Variants in FAM153A observed in about 807,000 individuals in gnomAD.
FAM153A encodes the protein family with sequence similarity 153 member A, also known as protein FAM153A.
FAM153A carries 12 observed loss-of-function variants against 48.1 expected under a neutral mutation model. The observed-to-expected ratio is 0.25, with a 90% CI of 0.16 to 0.40. The LOEUF is 0.40. FAM153A is among the 10% of genes least tolerant of loss of function. FAM153A has a pLI of 1.00. For synonymous variants in FAM153A, 36 were observed against 118.2 expected, an observed-to-expected ratio of 0.30 and a Z score of 4.51; for missense variants, 111 against 345.8, an observed-to-expected ratio of 0.32 and a Z score of 5.38.
At chr5:177,715,878 G>A (rs1376062423) in intron 25 of FAM153A, among the ~76,000 whole-genome samples, 1 of 151,338 alleles carries the variant, frequency 6.6e-6, no homozygotes, top group African/African-American at 2.4e-5. Context: ...TCTTGCTATT[G>A]TTGCCTAGGC....
At chr5:177,710,324 C>G (rs142004887), downstream of FAM153A, among the ~76,000 whole-genome samples, 2,103 of 151,602 alleles carry the variant, frequency 0.014, 101 homozygotes, top group African/African-American at 0.049. Flanking sequence ...GTTGGCCAGG[C>G]TGGTCTTGAA....
chr5:177,700,050 C>T, the FAM153A span, among the ~76,000 whole-genome samples: 1 of 151,942 alleles, frequency 6.6e-6, no homozygotes, highest in African/African-American at 2.4e-5. Flanking sequence ...GCAGTTTGTC[C>T]ATCAGATGAA....
At chr5:177,711,998 A>G (rs1164885601) in exon 27 of FAM153A, 2 of 151,924 alleles carry the variant, frequency 1.3e-5, no homozygotes, top group Non-Finnish European at 2.9e-5. Flanking sequence ...AATGACTGTT[A>G]AGAGACAGAA....
intron 1 of FAM153A, among the ~76,000 whole-genome samples, chr5:177,758,992 A>T (rs1257544898): frequency 2.6e-5 from 4 of 151,834 alleles, no homozygotes. Flanking sequence ...AATTAAACTA[A>T]AGAGCTTCTG....
chr5:177,752,927 T>C, intron 1 of FAM153A, among the ~76,000 whole-genome samples: 1 of 101,952 alleles, frequency 9.8e-6, no homozygotes, highest in Non-Finnish European at 2.2e-5. Context: ...GACTCTTCAC[T>C]CTTCCAAAAA....
chr5:177,738,947 G>C (rs1765116673), intron 10 of FAM153A, among the ~76,000 whole-genome samples, 166 bp downstream of exon 12: 1 of 149,484 alleles, frequency 6.7e-6, no homozygotes, highest in Admixed American at 6.6e-5. Flanking sequence ...GACTACGTAG[G>C]ATGGTCACCA....
chr5:177,721,943 C>T (rs1182132597), downstream of FAM153A: 3 of 150,480 alleles, frequency 2.0e-5, no homozygotes, highest in Non-Finnish European at 4.4e-5. Flanking sequence ...AGGTAAAAGT[C>T]ATTAAGAAAA....
downstream of FAM153A, among the ~76,000 whole-genome samples, chr5:177,709,714 G>C (rs1425317720): frequency 1.7e-5 from 2 of 117,532 alleles, no homozygotes; most frequent in African/African-American, 3.4e-5. Flanking sequence ...CTTGTTGCTC[G>C]GGCCAGAGTG....
chr5:177,711,702 G>A (rs533095812), exon 27 of FAM153A: 1 of 152,032 alleles, frequency 6.6e-6, no homozygotes, highest in East Asian at 1.9e-4. Context: ...AAAGTTGAAG[G>A]ATCTTTAGGA....
At chr5:177,739,269 G>A (rs911541328) in intron 9 of FAM153A, 132 bp from the exon 12 acceptor site, 1 of 825,812 alleles carries the variant, frequency 1.2e-6, no homozygotes. Context: ...CAAAAATAAA[G>A]CCTAGAGAAC....
chr5:177,754,957 C>G (rs1325707118), upstream of FAM153A, among the ~76,000 whole-genome samples: 1 of 151,902 alleles, frequency 6.6e-6, no homozygotes, highest in African/African-American at 2.4e-5. Flanking sequence ...AACGCAGCTC[C>G]TCACCAGTAA....
intron 1 of FAM153A, among the ~76,000 whole-genome samples, chr5:177,758,547 G>A (rs1464786660): frequency 7.4e-6 from 1 of 134,676 alleles, no homozygotes; most frequent in Non-Finnish European, 1.7e-5. Context: ...AACAAAGCTG[G>A]AGGCATCATG....
At chr5:177,721,953 A>C (rs1047338648), downstream of FAM153A, 2 of 151,218 alleles carry the variant, frequency 1.3e-5, no homozygotes, top group Non-Finnish European at 2.9e-5. Flanking sequence ...CATTAAGAAA[A>C]TGAAAGCACA....
At chr5:177,709,675 T>G (rs1234494164), downstream of FAM153A, among the ~76,000 whole-genome samples, 2 of 58,690 alleles carry the variant, frequency 3.4e-5, no homozygotes, top group African/African-American at 9.7e-5. Context: ...TTTTTTTTTG[T>G]TTTTTTTTTT....
intron 1 of FAM153A, among the ~76,000 whole-genome samples, chr5:177,768,935 G>A (rs1768928545): frequency 9.8e-6 from 1 of 102,028 alleles, no homozygotes; most frequent in African/African-American, 3.9e-5. Context: ...GAAAAAGGGT[G>A]AGAACCAGCC....
At chr5:177,761,564 C>T (rs866624033) in intron 1 of FAM153A, among the ~76,000 whole-genome samples, 1 of 144,206 alleles carries the variant, frequency 6.9e-6, no homozygotes, top group Admixed American at 6.9e-5. Flanking sequence ...TTAATCCAAT[C>T]TGTCAGCCCA....
intron 1 of FAM153A, among the ~76,000 whole-genome samples, chr5:177,766,293 G>T (rs1394915276): frequency 1.0e-5 from 1 of 100,350 alleles, no homozygotes; most frequent in African/African-American, 3.3e-5. Context: ...AGAAACACTT[G>T]ACCAGAATGT....
chr5:177,768,336 A>G (rs546778832), intron 1 of FAM153A, among the ~76,000 whole-genome samples: 1 of 152,202 alleles, frequency 6.6e-6, no homozygotes, highest in South Asian at 2.1e-4. Context: ...AAGCTTCATT[A>G]TATTGGCATC....
At chr5:177,749,168 G>A (rs1354543235) in intron 2 of FAM153A, among the ~76,000 whole-genome samples, 257 of 148,116 alleles carry the variant, frequency 1.7e-3, no homozygotes, top group South Asian at 9.2e-3. Context: ...ATAATCAAGT[G>A]CACACTTCAG....
Sources: gnomAD v4.1 joint callset for allele counts (sites outside exome capture counted in the v4.1 genomes callset) on GRCh38, gnomAD v4.1.1 for gene constraint, MANE v1.5 for transcripts, NCBI Gene and HGNC (gene_info 2026-07-23, HGNC 2026-07-21) for gene names.